Variants in ZNF804A observed in about 807,000 individuals in gnomAD.
The protein encoded by ZNF804A is zinc finger protein 804A.
Under a neutral mutation model 16.5 loss-of-function variants are expected in ZNF804A, and 2 were observed. The observed-to-expected ratio is 0.12, with a 90% confidence interval of 0.05 to 0.38. The LOEUF (loss-of-function observed/expected upper bound fraction) is 0.38, where lower values mean the gene tolerates loss of function less well. Ranked by LOEUF, ZNF804A falls within the 10% of genes least tolerant of loss-of-function variation. ZNF804A has a pLI of 0.99. For missense variants in ZNF804A, 1,473 were observed against 1,390.7 expected, an observed-to-expected ratio of 1.06 and a Z score of -0.94; for synonymous variants, 534 against 489.6, an observed-to-expected ratio of 1.09 and a Z score of -1.20.
chr2:184,799,278 C>T (rs959719936), intron 1 of ZNF804A, among the ~76,000 whole-genome samples: 1 of 151,976 alleles, frequency 6.6e-6, no homozygotes, highest in East Asian at 1.9e-4. Flanking sequence ...GCCTCTCATC[C>T]GCCATGATGA....
chr2:184,756,475 T>G (rs1693960882), intron 1 of ZNF804A, among the ~76,000 whole-genome samples: 1 of 152,060 alleles, frequency 6.6e-6, no homozygotes, highest in East Asian at 1.9e-4. Flanking sequence ...TAGAATACTT[T>G]CCCTTAATAT....
rs190903199 is a variant in ZNF804A, at chr2:184,772,793, C to G, written c.112-93576C>G. Among the ~76,000 whole-genome samples, 518 of 151,414 alleles carry G rather than the reference C, an allele frequency of 3.4e-3. 1 individual carries two copies. The highest frequency in any genetic ancestry group is 5.2e-3 in the Non-Finnish European group (351 of 67,788). ...CTTACCAACCTTTCCCATATCCTAA[C>G]CAAAACTTGTTATTATCTGTCTTTT... On this transcript the variant is annotated intron_variant, in intron 1 of 3. Transcript: ENST00000302277.
At chr2:184,850,101 GA>G (rs1189264756) in intron 1 of ZNF804A, among the ~76,000 whole-genome samples, 4 of 151,722 alleles carry the variant, frequency 2.6e-5, no homozygotes, top group Non-Finnish European at 5.9e-5. Context: ...AAAAAGTGAG[GA>G]TGGTTAATGG....
chr2:184,666,781 A>G (rs1183912792), intron 1 of ZNF804A, among the ~76,000 whole-genome samples: 3 of 152,032 alleles, frequency 2.0e-5, no homozygotes, highest in African/African-American at 7.2e-5. Flanking sequence ...TTCATGGGAA[A>G]TTTATTAGTT....
chr2:184,774,210 T>G (rs1327721660), intron 1 of ZNF804A, among the ~76,000 whole-genome samples: 1 of 151,892 alleles, frequency 6.6e-6, no homozygotes, highest in South Asian at 2.1e-4. Context: ...TTAACTGCTT[T>G]TATTTGCTGT....
chr2:184,890,235 A>C (rs1684959704), intron 2 of ZNF804A, among the ~76,000 whole-genome samples: 1 of 152,314 alleles, frequency 6.6e-6, no homozygotes, highest in Non-Finnish European at 1.5e-5. Context: ...GTGTTGCCTT[A>C]TTCAACAAAA....
intron 1 of ZNF804A, among the ~76,000 whole-genome samples, chr2:184,839,208 A>G (rs1036584621): frequency 2.6e-5 from 4 of 152,110 alleles, no homozygotes; most frequent in African/African-American, 4.8e-5. Context: ...ATAGACATCT[A>G]TGTATGTGTG....
intron 1 of ZNF804A, among the ~76,000 whole-genome samples, chr2:184,780,405 A>G (rs1194932114): frequency 6.6e-6 from 1 of 151,870 alleles, no homozygotes; most frequent in Admixed American, 6.6e-5. Flanking sequence ...AAATAGACTT[A>G]GGAATTATTC....
chr2:184,932,553 C>G (rs1024861352), intron 2 of ZNF804A, among the ~76,000 whole-genome samples: 8 of 152,102 alleles, frequency 5.3e-5, no homozygotes, highest in African/African-American at 1.9e-4. Context: ...CTGGGTACTT[C>G]GCACCACACG....
At chr2:184,686,055 G>A (rs1045732231) in intron 1 of ZNF804A, among the ~76,000 whole-genome samples, 1 of 152,244 alleles carries the variant, frequency 6.6e-6, no homozygotes, top group African/African-American at 2.4e-5. Flanking sequence ...TTGCAACAAT[G>A]CCTGGGCTTG....
intron 1 of ZNF804A, among the ~76,000 whole-genome samples, chr2:184,749,299 G>T (rs1444370610): frequency 2.0e-5 from 3 of 151,284 alleles, no homozygotes; most frequent in Non-Finnish European, 3.0e-5. Context: ...CAACAATTTG[G>T]TTAGCTGTAT....
chr2:184,922,125 T>C (rs142562157), intron 2 of ZNF804A, among the ~76,000 whole-genome samples: 3,566 of 152,224 alleles, frequency 0.023, 50 homozygotes, highest in Middle Eastern at 0.044. Flanking sequence ...TTCTTTTGTG[T>C]ATAGTGAGAT....
intron 1 of ZNF804A, among the ~76,000 whole-genome samples, chr2:184,778,523 A>G (rs1694326014): frequency 6.6e-6 from 1 of 151,672 alleles, no homozygotes; most frequent in Non-Finnish European, 1.5e-5. Flanking sequence ...TTTTCAGGGA[A>G]TGACTGCTAT....
At chr2:184,653,338 A>G (rs1692019345) in intron 1 of ZNF804A, among the ~76,000 whole-genome samples, 1 of 152,162 alleles carries the variant, frequency 6.6e-6, no homozygotes, top group Non-Finnish European at 1.5e-5. Context: ...TTGGATATCC[A>G]CAAAGACTGT....
At chr2:184,671,880 T>C (rs577639258) in intron 1 of ZNF804A, among the ~76,000 whole-genome samples, 42 of 152,322 alleles carry the variant, frequency 2.8e-4, no homozygotes, top group African/African-American at 9.1e-4. Flanking sequence ...TAGTGTGTTA[T>C]TGTTCTTTTT....
intron 1 of ZNF804A, among the ~76,000 whole-genome samples, chr2:184,839,160 A>G (rs1389424566): frequency 1.3e-5 from 2 of 152,118 alleles, no homozygotes; most frequent in African/African-American, 4.8e-5. Context: ...AACTGCCACA[A>G]TTCCAAAGCA....
chr2:184,707,658 A>G (rs1238494358), intron 1 of ZNF804A, among the ~76,000 whole-genome samples: 1 of 152,128 alleles, frequency 6.6e-6, no homozygotes, highest in Non-Finnish European at 1.5e-5. Context: ...CGTGGTGTAT[A>G]TGTATGATAT....
At chr2:184,901,383 G>A (rs1449859256) in intron 2 of ZNF804A, among the ~76,000 whole-genome samples, 1 of 152,082 alleles carries the variant, frequency 6.6e-6, no homozygotes, top group Non-Finnish European at 1.5e-5. Flanking sequence ...TTTTGGCCAG[G>A]CTTATATGGG....
intron 1 of ZNF804A, among the ~76,000 whole-genome samples, chr2:184,842,222 A>G (rs1047803811): frequency 6.6e-6 from 1 of 152,166 alleles, no homozygotes; most frequent in African/African-American, 2.4e-5. Flanking sequence ...TGCACAGACT[A>G]TCACTCCCAT....
Sources: allele counts gnomAD v4.1 joint callset (sites outside exome capture counted in the v4.1 genomes callset), GRCh38; gene constraint gnomAD v4.1.1; transcripts MANE v1.5; gene names NCBI Gene and HGNC (gene_info 2026-07-23, HGNC 2026-07-21).